The following LRMDA variants were observed in gnomAD, a reference collection of about 807,000 sequenced individuals.
LRMDA encodes the protein leucine-rich melanocyte differentiation-associated protein.
LRMDA carries 18 observed loss-of-function variants against 29.8 expected under a neutral mutation model. The ratio of observed to expected loss-of-function variants is 0.60; its 90% CI spans 0.42 to 0.90. The LOEUF is 0.90. LRMDA is among the 40% of genes least tolerant of loss of function. LRMDA has a pLI of 0.00. For synonymous variants in LRMDA, 125 were observed against 109.4 expected (o/e 1.14, Z -0.89); for missense variants, 273 against 273.9 (o/e 1.00, Z 0.02).
intron 5 of LRMDA, among the ~76,000 whole-genome samples, chr10:76,128,923 G>T (rs937935001): frequency 3.3e-4 from 50 of 152,156 alleles, no homozygotes; most frequent in African/African-American, 1.1e-3. Context: ...TCTAACAATT[G>T]TGAGGGATAC....
intron 2 of LRMDA, among the ~76,000 whole-genome samples, chr10:75,825,078 G>A (rs1478170081): frequency 6.6e-6 from 1 of 152,214 alleles, no homozygotes; most frequent in Non-Finnish European, 1.5e-5. Flanking sequence ...AGACTGGAAA[G>A]GAGATGTGGA....
chr10:76,078,904 C>T (rs1197831837), intron 5 of LRMDA, among the ~76,000 whole-genome samples: 1 of 152,176 alleles, frequency 6.6e-6, no homozygotes, highest in South Asian at 2.1e-4. Context: ...TTCTTCTCAC[C>T]CATTGGCTAG....
intron 5 of LRMDA, among the ~76,000 whole-genome samples, chr10:76,278,107 G>T (rs572520149): frequency 6.6e-6 from 1 of 152,294 alleles, no homozygotes; most frequent in Non-Finnish European, 1.5e-5. Context: ...GCATTAATGA[G>T]AATTTTTCGG....
At chr10:75,625,974 C>T (rs977110753) in intron 2 of LRMDA, among the ~76,000 whole-genome samples, 2 of 151,968 alleles carry the variant, frequency 1.3e-5, no homozygotes, top group African/African-American at 4.8e-5. Context: ...GCCTCAGCCC[C>T]TTGAGTAGCT....
At chr10:76,275,952 G>A (rs1033170637) in intron 5 of LRMDA, among the ~76,000 whole-genome samples, 1 of 151,882 alleles carries the variant, frequency 6.6e-6, no homozygotes, top group Non-Finnish European at 1.5e-5. Flanking sequence ...GTATCTTCAA[G>A]TTCACTAAAT....
chr10:76,268,332 G>A (rs1282967689), intron 5 of LRMDA, among the ~76,000 whole-genome samples: 1 of 152,090 alleles, frequency 6.6e-6, no homozygotes, highest in African/African-American at 2.4e-5. Flanking sequence ...TCCTCCTGTT[G>A]CTCATTCCTG....
chr10:75,985,377 C>T (rs1847245878), intron 2 of LRMDA, among the ~76,000 whole-genome samples: 1 of 152,104 alleles, frequency 6.6e-6, no homozygotes, highest in African/African-American at 2.4e-5. Flanking sequence ...GATAAGACTC[C>T]AGGCCTGACT....
intron 5 of LRMDA, among the ~76,000 whole-genome samples, chr10:76,066,763 G>A (rs995022919): frequency 7.2e-5 from 11 of 152,340 alleles, no homozygotes; most frequent in African/African-American, 2.6e-4. Context: ...GAGCCAGGCT[G>A]TGGGGGGATC....
chr10:76,327,126 C>T (rs1470809357), intron 6 of LRMDA, among the ~76,000 whole-genome samples: 2 of 150,646 alleles, frequency 1.3e-5, no homozygotes, highest in African/African-American at 4.9e-5. Context: ...GAGCCTCACC[C>T]TGTCACCCAG....
rs912242107 is a variant in LRMDA at position 75,623,012 on chromosome 10, CTTTAA to C, written c.131+184524_131+184528del. Among the ~76,000 whole-genome samples the C allele has an allele frequency of 7.4e-4, 112 of 152,260 alleles. 1 individual carries two copies. Among genetic ancestry groups the C allele is most frequent in the African/African-American group, 2.4e-3 (101 of 41,556 alleles). On this transcript the variant is annotated intron_variant, in intron 2 of 6. Coordinates refer to ENST00000611255, the MANE Select transcript of LRMDA (RefSeq NM_001305581.2). ...TTAAGCCGTAATTTTACCAACAATG[CTTTAA>C]TTTAACAAATAAACAGGAATCATCT...
intron 5 of LRMDA, among the ~76,000 whole-genome samples, chr10:76,321,220 C>T (rs1436570457): frequency 6.6e-6 from 1 of 152,156 alleles, no homozygotes; most frequent in East Asian, 1.9e-4. Context: ...GAAATTGCTG[C>T]ACCAATTTTC....
At chr10:76,484,756 T>C (rs1054767124) in intron 6 of LRMDA, among the ~76,000 whole-genome samples, 1 of 151,886 alleles carries the variant, frequency 6.6e-6, no homozygotes, top group African/African-American at 2.4e-5. Context: ...ATTGGATTTG[T>C]TTATTTCTGT....
At chr10:75,648,650 G>A (rs1402989312) in intron 2 of LRMDA, among the ~76,000 whole-genome samples, 2 of 152,082 alleles carry the variant, frequency 1.3e-5, no homozygotes. Context: ...GAGCAATCCT[G>A]AAATCAAAGG....
At chr10:75,935,489 A>G (rs1846274496) in intron 2 of LRMDA, among the ~76,000 whole-genome samples, 1 of 152,218 alleles carries the variant, frequency 6.6e-6, no homozygotes. Flanking sequence ...GAAGTAGACA[A>G]CCATTGATTT....
intron 6 of LRMDA, among the ~76,000 whole-genome samples, chr10:76,376,955 C>T (rs185638210): frequency 3.3e-4 from 46 of 137,702 alleles, no homozygotes; most frequent in African/African-American, 1.1e-3. Flanking sequence ...GCGCGATCTC[C>T]GCTCACTGGA....
chr10:75,821,014 T>C (rs1165240083), intron 2 of LRMDA, among the ~76,000 whole-genome samples: 2 of 151,986 alleles, frequency 1.3e-5, no homozygotes, highest in Non-Finnish European at 1.5e-5. Context: ...AAATAAGTAA[T>C]AAAAAACCCT....
At chr10:76,035,886 A>C in intron 2 of LRMDA, 122 bp from the exon 3 acceptor site, 1 of 930,684 alleles carries the variant, frequency 1.1e-6, no homozygotes, top group East Asian at 6.6e-5. Context: ...CACTTTGCTG[A>C]CAGGCACCAA....
At chr10:75,498,489 T>C (rs889268250) in intron 2 of LRMDA, among the ~76,000 whole-genome samples, 7 of 152,198 alleles carry the variant, frequency 4.6e-5, no homozygotes, top group Admixed American at 6.5e-5. Context: ...TGCGTGCGTG[T>C]GTGTGCATCA....
chr10:76,492,129 G>A (rs893039587), intron 6 of LRMDA, among the ~76,000 whole-genome samples: 6 of 151,908 alleles, frequency 3.9e-5, no homozygotes, highest in African/African-American at 1.2e-4. Flanking sequence ...GAGCTTCCTC[G>A]AAACAGCTAT....
Sources: gnomAD v4.1 joint callset for allele counts (sites outside exome capture counted in the v4.1 genomes callset) on GRCh38, gnomAD v4.1.1 for gene constraint, MANE v1.5 for transcripts, NCBI Gene and HGNC (gene_info 2026-07-23, HGNC 2026-07-21) for gene names.